Variants in CSMD1 observed in about 807,000 individuals in gnomAD.
The protein encoded by CSMD1 is CUB and Sushi multiple domains 1, also known as CUB and sushi domain-containing protein 1.
A neutral mutation model predicts 417.5 loss-of-function variants in CSMD1; 213 were observed. The ratio of observed to expected loss-of-function variants is 0.51; its 90% CI spans 0.46 to 0.57. The LOEUF is 0.57. Among genes scored for constraint, CSMD1 ranks in the 20% least tolerant of loss-of-function variants. The pLI is 0.00. For synonymous variants in CSMD1, 2,862 were observed against 1,736.8 expected (o/e 1.65, Z -16.11); for missense variants, 6,923 against 4,529.7 (o/e 1.53, Z -15.17).
chr8:4,959,476 G>A (rs558657052), intron 1 of CSMD1, among the ~76,000 whole-genome samples: 3 of 152,176 alleles, frequency 2.0e-5, no homozygotes, highest in Admixed American at 2.0e-4. Context: ...ACGCCCTCAG[G>A]ATATCCTGTT....
chr8:3,473,533 T>G lies in CSMD1; in HGVS notation c.1449-4709A>C, dbSNP rs192336059. On this transcript the variant is annotated intron_variant, in intron 11 of 69. Coordinates refer to ENST00000635120, the MANE Select transcript of CSMD1 (RefSeq NM_033225.6). ...ATTTTGGCTTGCTAACACTGAGATA[T>G]TATTTCTTTAAAACAAAGAAGCAAG... is the stretch of plus-strand genomic sequence containing the variant. Among the ~76,000 whole-genome samples, 275 of 152,326 alleles carry G rather than the reference T, an allele frequency of 1.8e-3. 2 individuals are homozygous for G. Among genetic ancestry groups the G allele is most frequent in the African/African-American group, 6.4e-3 (268 of 41,572 alleles).
intron 11 of CSMD1, among the ~76,000 whole-genome samples, chr8:3,478,656 G>T (rs191232772): frequency 3.3e-5 from 5 of 152,208 alleles, no homozygotes; most frequent in Non-Finnish European, 7.4e-5. Context: ...ACCCCAGCAA[G>T]CCCGTTCCTT....
chr8:3,777,179 G>T (rs149315223), intron 5 of CSMD1, among the ~76,000 whole-genome samples: 1 of 151,700 alleles, frequency 6.6e-6, no homozygotes, highest in South Asian at 2.1e-4. Context: ...ATATGTATGT[G>T]TGTCTGTTAC....
At chr8:4,780,937 T>A (rs73179605) in intron 1 of CSMD1, among the ~76,000 whole-genome samples, 15,116 of 152,246 alleles carry the variant, frequency 0.099, 953 homozygotes, top group East Asian at 0.33. Context: ...AGCATAAGTC[T>A]TTATAAGGCT....
intron 7 of CSMD1, among the ~76,000 whole-genome samples, chr8:3,632,951 A>C (rs1052567443): frequency 5.3e-5 from 8 of 152,232 alleles, no homozygotes; most frequent in African/African-American, 1.9e-4. Flanking sequence ...CAGAAGTATA[A>C]ATTACACTTT....
intron 5 of CSMD1, among the ~76,000 whole-genome samples, chr8:3,846,938 G>T (rs773995047): frequency 1.3e-5 from 2 of 152,132 alleles, no homozygotes; most frequent in Non-Finnish European, 2.9e-5. Flanking sequence ...GCCTCCCAAA[G>T]TGCTGTGATT....
intron 8 of CSMD1, among the ~76,000 whole-genome samples, chr8:3,604,208 T>A (rs1801495243): frequency 6.6e-6 from 1 of 152,140 alleles, no homozygotes; most frequent in African/African-American, 2.4e-5. Context: ...ACATGAATTA[T>A]GCTTAGTGAA....
At chr8:4,828,259 T>C (rs555740522) in intron 1 of CSMD1, among the ~76,000 whole-genome samples, 2 of 152,346 alleles carry the variant, frequency 1.3e-5, no homozygotes, top group East Asian at 1.9e-4. Context: ...ATATGTTCCA[T>C]GCACTTAGTA....
intron 26 of CSMD1, among the ~76,000 whole-genome samples, chr8:3,282,108 A>G (rs1450335160): frequency 6.6e-6 from 1 of 152,198 alleles, no homozygotes; most frequent in African/African-American, 2.4e-5. Context: ...TTTTCTTGAT[A>G]AATTACCCAG....
intron 23 of CSMD1, among the ~76,000 whole-genome samples, chr8:3,313,634 G>C (rs1033304832): frequency 2.0e-5 from 3 of 152,190 alleles, no homozygotes; most frequent in Non-Finnish European, 2.9e-5. Context: ...GTGCTGGAGA[G>C]GATGTGGAGA....
intron 3 of CSMD1, among the ~76,000 whole-genome samples, chr8:4,309,768 A>C (rs1798454556): frequency 6.6e-6 from 1 of 152,186 alleles, no homozygotes; most frequent in Non-Finnish European, 1.5e-5. Flanking sequence ...ACGTTTTACT[A>C]GATCAATGAA....
chr8:2,942,505 A>G lies in CSMD1; in HGVS notation c.10502T>C (p.Leu3501Ser), dbSNP rs369998371. The G allele has an allele frequency of 6.2e-6, 10 of 1,613,102 alleles. No homozygotes were observed. The highest frequency in any genetic ancestry group is 7.6e-6 in the Non-Finnish European group (9 of 1,179,542). ...AILVPFFALI[L>S]SGFAFYLYKH... ...GTAGAGGTAAAATGCAAACCCTGAT[A>G]AAATTAGAGCAAAGAAAGGAACCAG... Residue 3501 changes from leucine (L) to serine (S), a missense_variant, in exon 69 of 70, where the codon TTA becomes TCA. Leu to Ser is a moderately radical substitution (Grantham distance 145). Transcript: ENST00000635120.
rs572259084 is a variant in CSMD1, at chr8:4,064,298, C to G, written c.416-32199G>C. On this transcript the variant is annotated intron_variant, in intron 3 of 69. Coordinates refer to ENST00000635120, the MANE Select transcript of CSMD1 (RefSeq NM_033225.6). ...TTATCGTACCATATTTTATATCCTG[C>G]AATGTTCCTGGGCTCCATATGGTGT... 9.8e-5 allele frequency among the ~76,000 whole-genome samples: 15 copies of G among 152,310 alleles called. No homozygotes were observed. The South Asian group carries it at 3.1e-3, about 32-fold the overall frequency.
At chr8:4,030,354 G>C (rs776365394) in intron 4 of CSMD1, among the ~76,000 whole-genome samples, 16 of 152,258 alleles carry the variant, frequency 1.1e-4, no homozygotes, top group African/African-American at 2.2e-4. Flanking sequence ...CTGAAATCTA[G>C]GCAAAGGTTC....
At chr8:3,719,091 G>A (rs987426766) in intron 6 of CSMD1, among the ~76,000 whole-genome samples, 4 of 152,170 alleles carry the variant, frequency 2.6e-5, no homozygotes, top group Non-Finnish European at 5.9e-5. Flanking sequence ...AGGTGTCTCA[G>A]ACGATTCGCA....
chr8:3,004,882 T>C (rs1301575693), intron 52 of CSMD1, among the ~76,000 whole-genome samples: 2 of 152,208 alleles, frequency 1.3e-5, no homozygotes, highest in Admixed American at 6.5e-5. Flanking sequence ...CTCATGCCTG[T>C]ACTCCCAGCA....
At chr8:3,599,311 C>G (rs553812833) in intron 8 of CSMD1, among the ~76,000 whole-genome samples, 1 of 149,544 alleles carries the variant, frequency 6.7e-6, no homozygotes, top group African/African-American at 2.5e-5. Flanking sequence ...GCTGAGAACA[C>G]CTGAGATCTA....
chr8:4,530,589 T>C lies in CSMD1; in HGVS notation c.302+106753A>G, dbSNP rs562559538. Among the ~76,000 whole-genome samples, 6 of 150,584 alleles carry C rather than the reference T, an allele frequency of 4.0e-5. No individual in the cohort carries two copies. In the South Asian group the frequency reaches 6.4e-4, roughly 16 times the overall value. ...AGCTCCCACTTATGAGTGAGGAACA[T>C]GCGGTACTTGATTTTCTGTTCCTGT... On this transcript the variant is annotated intron_variant, in intron 2 of 69. Coordinates refer to ENST00000635120, the MANE Select transcript of CSMD1 (RefSeq NM_033225.6).
intron 4 of CSMD1, among the ~76,000 whole-genome samples, chr8:4,023,113 T>G (rs975946823): frequency 6.6e-6 from 1 of 152,160 alleles, no homozygotes; most frequent in African/African-American, 2.4e-5. Flanking sequence ...GCAGTGGATG[T>G]ACAGGAGATG....
Sources: allele counts gnomAD v4.1 joint callset (sites outside exome capture counted in the v4.1 genomes callset), GRCh38; gene constraint gnomAD v4.1.1; transcripts MANE v1.5; gene names NCBI Gene and HGNC (gene_info 2026-07-23, HGNC 2026-07-21).